The following TRAPPC9 variants were observed in gnomAD, a reference collection of about 807,000 sequenced individuals.
TRAPPC9 encodes the protein IKK2 binding protein.
In TRAPPC9, 83 loss-of-function variants were observed where a neutral mutation model predicts 124.0. The ratio of observed to expected loss-of-function variants is 0.67; its 90% confidence interval spans 0.56 to 0.80. The LOEUF (loss-of-function observed/expected upper bound fraction) is 0.80. TRAPPC9 is among the 30% of genes least tolerant of loss of function. The pLI, the probability that TRAPPC9 is intolerant of heterozygous loss-of-function variation, is 0.00. For synonymous variants in TRAPPC9, 638 were observed against 617.5 expected, an observed-to-expected ratio of 1.03 and a Z score of -0.49; for missense variants, 1,302 against 1,508.3, an observed-to-expected ratio of 0.86 and a Z score of 2.27.
intron 17 of TRAPPC9, among the ~76,000 whole-genome samples, chr8:140,160,993 G>A (rs767769968): frequency 2.0e-5 from 3 of 152,168 alleles, no homozygotes; most frequent in Non-Finnish European, 4.4e-5. Context: ...GACTTCATCA[G>A]AAGTGGCTAT....
intron 5 of TRAPPC9, among the ~76,000 whole-genome samples, chr8:140,409,581 TA>T (rs1281142009): frequency 6.6e-6 from 1 of 151,934 alleles, no homozygotes; most frequent in East Asian, 1.9e-4. Flanking sequence ...AGTGGTGAAA[TA>T]AAACCCGGTA....
At chr8:140,127,252 C>T (rs570570901) in intron 17 of TRAPPC9, among the ~76,000 whole-genome samples, 5 of 152,164 alleles carry the variant, frequency 3.3e-5, no homozygotes, top group Non-Finnish European at 7.3e-5. Context: ...AGGCATGCAC[C>T]AAGCCTACCT....
intron 18 of TRAPPC9, among the ~76,000 whole-genome samples, chr8:140,010,358 G>A (rs961460182): frequency 6.6e-6 from 1 of 152,058 alleles, no homozygotes; most frequent in African/African-American, 2.4e-5. Flanking sequence ...TTTTACTGAA[G>A]CCCGAATGAA....
chr8:139,929,819 A>G (rs1833027410), intron 19 of TRAPPC9, among the ~76,000 whole-genome samples: 1 of 152,228 alleles, frequency 6.6e-6, no homozygotes, highest in African/African-American at 2.4e-5. Flanking sequence ...AAGGCCCAGC[A>G]GAGCAGGCTA....
intron 18 of TRAPPC9, among the ~76,000 whole-genome samples, chr8:140,000,486 G>A (rs571173951): frequency 2.4e-4 from 37 of 152,290 alleles, no homozygotes; most frequent in Admixed American, 1.2e-3. Context: ...CTACCTATCT[G>A]ACAAAGGGCT....
intron 18 of TRAPPC9, among the ~76,000 whole-genome samples, chr8:139,990,736 G>A (rs759858585): frequency 5.3e-5 from 8 of 152,034 alleles, no homozygotes; most frequent in Admixed American, 2.0e-4. Context: ...ACAGGTGCCC[G>A]CCACCATGCC....
intron 9 of TRAPPC9, among the ~76,000 whole-genome samples, chr8:140,315,744 C>T (rs1281968858): frequency 6.6e-6 from 1 of 152,096 alleles, no homozygotes; most frequent in Non-Finnish European, 1.5e-5. Context: ...ACTAGGTTCC[C>T]TAAAGTCCAA....
intron 17 of TRAPPC9, among the ~76,000 whole-genome samples, chr8:140,146,699 T>C (rs1270246405): frequency 6.6e-6 from 1 of 152,240 alleles, no homozygotes; most frequent in Non-Finnish European, 1.5e-5. Context: ...GGCTCTTGCC[T>C]GAGTCTCTCA....
chr8:140,455,605 AT>A (rs1302424975), intron 1 of TRAPPC9, among the ~76,000 whole-genome samples: 1 of 150,766 alleles, frequency 6.6e-6, no homozygotes, highest in Non-Finnish European at 1.5e-5. Context: ...TAATTTTTGT[AT>A]TTTTAGTAGA....
intron 19 of TRAPPC9, among the ~76,000 whole-genome samples, chr8:139,966,566 A>G (rs1185879330): frequency 6.6e-6 from 1 of 152,206 alleles, no homozygotes; most frequent in Non-Finnish European, 1.5e-5. Context: ...AAATGGGTAT[A>G]AATTTGCCTG....
chr8:140,043,783 T>C (rs1841411573), intron 17 of TRAPPC9, among the ~76,000 whole-genome samples: 2 of 152,158 alleles, frequency 1.3e-5, no homozygotes, highest in Admixed American at 1.3e-4. Context: ...TCAGAACCAC[T>C]GCAATGGAAA....
At chr8:139,932,986 T>C (rs1283247959) in intron 19 of TRAPPC9, 1 of 158,166 alleles carries the variant, frequency 6.3e-6, no homozygotes, top group Non-Finnish European at 1.4e-5. Context: ...TGCTTTCTCT[T>C]CAAGGCATGG....
At chr8:140,054,441 C>T (rs1008831801) in intron 17 of TRAPPC9, among the ~76,000 whole-genome samples, 31 of 152,006 alleles carry the variant, frequency 2.0e-4, no homozygotes, top group Non-Finnish European at 4.1e-4. Context: ...AAGTCTGTGG[C>T]AATAAACACC....
chr8:140,360,324 A>C lies in TRAPPC9; in HGVS notation c.1352-131T>G. 2.5e-6 allele frequency: 3 copies of C among 1,195,924 alleles called. No homozygotes were observed. The East Asian group carries it at 7.6e-5, about 30-fold the overall frequency. The allele number at this position is 1,195,924 out of a possible 1,614,324, so 74.1% of individuals were successfully genotyped here. ...CACCAAACTCCAAGAGCAACAAAAA[A>C]TATTTCCTCTGCTTTTAATGACCCT... is the stretch of plus-strand genomic sequence containing the variant. On this transcript the variant is annotated intron_variant, in intron 8 of 22. Coordinates refer to ENST00000438773, the MANE Select transcript of TRAPPC9 (RefSeq NM_001160372.4).
chr8:140,267,512 A>T (rs1308262403), intron 15 of TRAPPC9, among the ~76,000 whole-genome samples: 3 of 152,254 alleles, frequency 2.0e-5, no homozygotes, highest in Non-Finnish European at 2.9e-5. Context: ...CTAAGGATGC[A>T]GCAGTGAAAT....
intron 14 of TRAPPC9, among the ~76,000 whole-genome samples, chr8:140,283,609 T>A (rs966262422): frequency 6.6e-6 from 1 of 152,036 alleles, no homozygotes; most frequent in African/African-American, 2.4e-5. Context: ...ATTCCCTATG[T>A]TTTTAAGGGA....
Position 140,206,848 on chromosome 8 carries a change from C to T in TRAPPC9, c.2556+14611G>A, listed in dbSNP as rs530054186. On this transcript the variant is annotated intron_variant, in intron 17 of 22. Coordinates refer to ENST00000438773, the MANE Select transcript of TRAPPC9 (RefSeq NM_001160372.4). Reference sequence around the variant, plus strand: ...TAGAATGCCTTTCCACCACTCCCTGCGCCTTTTTGCCTGCCTCCTTCCCAA... The same window carrying T: ...TAGAATGCCTTTCCACCACTCCCTGTGCCTTTTTGCCTGCCTCCTTCCCAA... 1.3e-4 allele frequency among the ~76,000 whole-genome samples: 20 copies of T among 152,162 alleles called. No individual in the cohort carries two copies. The South Asian group carries it at 3.7e-3, about 28-fold the overall frequency.
chr8:140,357,505 G>A (rs956581708), intron 9 of TRAPPC9, among the ~76,000 whole-genome samples: 1 of 152,018 alleles, frequency 6.6e-6, no homozygotes, highest in Non-Finnish European at 1.5e-5. Context: ...GTCAGGGATG[G>A]CACCCGAGAT....
At chr8:139,792,415 C>A (rs190204577) in intron 21 of TRAPPC9, among the ~76,000 whole-genome samples, 2 of 152,198 alleles carry the variant, frequency 1.3e-5, no homozygotes, top group African/African-American at 2.4e-5. Flanking sequence ...CGCGTGTGCG[C>A]GTGTGTGCGT....
Sources: allele counts gnomAD v4.1 joint callset (sites outside exome capture counted in the v4.1 genomes callset), GRCh38; gene constraint gnomAD v4.1.1; transcripts MANE v1.5; gene names NCBI Gene and HGNC (gene_info 2026-07-23, HGNC 2026-07-21).